The following LOC400499 variants were observed in gnomAD, a reference collection of about 807,000 sequenced individuals.
At chr16:11,396,762 A>T in the LOC400499 span, 1 of 1,084,602 alleles carries the variant, frequency 9.2e-7, no homozygotes, top group African/African-American at 1.6e-5. Flanking sequence ...ATGCAGCAGC[A>T]GCTGCCACCT....
At chr16:11,407,970 G>GTTTTTTTTTTTTTTTT in the LOC400499 span, among the ~76,000 whole-genome samples, 8 of 63,456 alleles carry the variant, frequency 1.3e-4, 2 homozygotes, top group African/African-American at 4.7e-4. Flanking sequence ...TTCCAGAGCT[G>GTTTTTTTTTTTTTTTT]TTTTTTTTTT....
At chr16:11,405,472 A>G in the LOC400499 span, among the ~76,000 whole-genome samples, 1 of 152,328 alleles carries the variant, frequency 6.6e-6, no homozygotes, top group African/African-American at 2.4e-5. Context: ...CAAGGGAGAA[A>G]GGAACGCAGA....
chr16:11,479,017 G>A, the LOC400499 span, among the ~76,000 whole-genome samples: 1 of 152,170 alleles, frequency 6.6e-6, no homozygotes, highest in African/African-American at 2.4e-5. Context: ...AGTTGGAACT[G>A]TAAATCTATT....
chr16:11,483,455 A>T, the LOC400499 span, among the ~76,000 whole-genome samples: 3 of 152,222 alleles, frequency 2.0e-5, no homozygotes, highest in Admixed American at 6.5e-5. Context: ...TATACAATGG[A>T]ATACCATTAA....
At chr16:11,512,085 T>C in the LOC400499 span, among the ~76,000 whole-genome samples, 3,723 of 150,024 alleles carry the variant, frequency 0.025, 148 homozygotes, top group African/African-American at 0.088. Context: ...AGTCAGGAGT[T>C]CCAGACCACC....
chr16:11,494,194 G>C, the LOC400499 span, among the ~76,000 whole-genome samples: 1 of 140,550 alleles, frequency 7.1e-6, no homozygotes, highest in Non-Finnish European at 1.6e-5. Context: ...GGTGTGGGGG[G>C]TGGGCTGTGA....
the LOC400499 span, among the ~76,000 whole-genome samples, chr16:11,395,704 T>C: frequency 1.5e-4 from 23 of 152,268 alleles, 1 homozygote; most frequent in Non-Finnish European, 4.4e-5. Flanking sequence ...TTGTTCCCAT[T>C]TGACAGAGGG....
the LOC400499 span, chr16:11,399,664 GACCCCCTCAC>G: frequency 2.5e-6 from 1 of 398,754 alleles, no homozygotes; most frequent in Non-Finnish European, 4.4e-6. Flanking sequence ...GAGCGAGGGG[GACCCCCTCAC>G]TCGGTGCAGC....
chr16:11,432,144 T>C, the LOC400499 span, among the ~76,000 whole-genome samples: 2 of 152,208 alleles, frequency 1.3e-5, no homozygotes, highest in South Asian at 2.1e-4. Flanking sequence ...ACCCCCGTCC[T>C]CAGCCCATGC....
At chr16:11,376,634 A>T in the LOC400499 span, among the ~76,000 whole-genome samples, 1 of 152,254 alleles carries the variant, frequency 6.6e-6, no homozygotes, top group South Asian at 2.1e-4. Context: ...AAGACGTCCA[A>T]ATTTGTTCTT....
chr16:11,450,950 G>A, the LOC400499 span: 1 of 809,090 alleles, frequency 1.2e-6, no homozygotes. Context: ...AACTAGGCAT[G>A]AGGGAACTTT....
chr16:11,434,203 A>C, the LOC400499 span, among the ~76,000 whole-genome samples: 5 of 152,320 alleles, frequency 3.3e-5, no homozygotes, highest in South Asian at 4.1e-4. Flanking sequence ...CATTCATGGT[A>C]TATAACACAA....
At chr16:11,496,450 G>A in the LOC400499 span, among the ~76,000 whole-genome samples, 1 of 152,240 alleles carries the variant, frequency 6.6e-6, no homozygotes, top group Non-Finnish European at 1.5e-5. Flanking sequence ...ACTGTGTGAA[G>A]GTGTGAACAT....
chr16:11,403,671 C>G, the LOC400499 span, among the ~76,000 whole-genome samples: 1 of 152,220 alleles, frequency 6.6e-6, no homozygotes, highest in Admixed American at 6.5e-5. Context: ...GGCTGTGGGT[C>G]GGGCTCTGCT....
At chr16:11,374,571 C>G in the LOC400499 span, among the ~76,000 whole-genome samples, 2 of 152,190 alleles carry the variant, frequency 1.3e-5, no homozygotes, top group Non-Finnish European at 2.9e-5. Context: ...AATAAGTGGA[C>G]TCATACAGTA....
At chr16:11,516,845 C>A in the LOC400499 span, among the ~76,000 whole-genome samples, 1 of 152,184 alleles carries the variant, frequency 6.6e-6, no homozygotes, top group African/African-American at 2.4e-5. Context: ...TAGATTCCCG[C>A]TACGTTGCCC....
the LOC400499 span, among the ~76,000 whole-genome samples, chr16:11,397,876 G>A: frequency 6.6e-6 from 1 of 152,024 alleles, no homozygotes; most frequent in African/African-American, 2.4e-5. Flanking sequence ...TACATGGGAG[G>A]GCAGATATAC....
chr16:11,435,694 C>T, the LOC400499 span: 4 of 399,086 alleles, frequency 1.0e-5, no homozygotes, highest in Non-Finnish European at 1.8e-5. Flanking sequence ...ACAGCTGCAG[C>T]CGAACAGCCC....
At chr16:11,448,354 A>G in the LOC400499 span, among the ~76,000 whole-genome samples, 3 of 152,202 alleles carry the variant, frequency 2.0e-5, no homozygotes, top group East Asian at 5.8e-4. Flanking sequence ...GATCTTTGCT[A>G]AAGTGACCAG....
Sources: allele counts gnomAD v4.1 joint callset (sites outside exome capture counted in the v4.1 genomes callset), GRCh38; gene constraint gnomAD v4.1.1; transcripts MANE v1.5.